The following CNTN4 variants were observed in gnomAD, a reference collection of about 807,000 sequenced individuals.
CNTN4 encodes the protein contactin 4.
CNTN4 carries 77 observed loss-of-function variants against 122.5 expected under a neutral mutation model. That is an observed-to-expected ratio of 0.63 (90% confidence interval 0.52 to 0.76). CNTN4 has a LOEUF of 0.76. Ranked by LOEUF, CNTN4 falls within the 30% of genes least tolerant of loss-of-function variation. CNTN4 has a pLI of 0.00. For synonymous variants in CNTN4, 512 were observed against 447.0 expected (o/e 1.15, Z -1.83); for missense variants, 1,256 against 1,259.1 (o/e 1.00, Z 0.04).
At chr3:2,985,779 A>G (rs1393709754) in intron 13 of CNTN4, among the ~76,000 whole-genome samples, 1 of 152,216 alleles carries the variant, frequency 6.6e-6, no homozygotes, top group Admixed American at 6.5e-5. Context: ...TATTGATTTC[A>G]AATTGTCAGA....
intron 4 of CNTN4, among the ~76,000 whole-genome samples, chr3:2,584,518 A>G (rs1316166205): frequency 6.6e-6 from 1 of 151,976 alleles, no homozygotes. Context: ...AGCCTGACCA[A>G]CATGGCGAAA....
intron 2 of CNTN4, among the ~76,000 whole-genome samples, chr3:2,201,206 G>A (rs11709863): frequency 0.045 from 6,804 of 152,060 alleles, 263 homozygotes; most frequent in African/African-American, 0.11. Flanking sequence ...CCAGAAAGTT[G>A]GACCTTAAAA....
chr3:2,586,724 C>T (rs928343564), intron 4 of CNTN4, among the ~76,000 whole-genome samples: 7 of 152,220 alleles, frequency 4.6e-5, no homozygotes, highest in African/African-American at 1.4e-4. Flanking sequence ...ACTATGGAGA[C>T]AACCAGATTA....
chr3:3,003,684 C>CAAAAAAAAAAAAAAAAAAAAAAAAAAA, intron 14 of CNTN4, among the ~76,000 whole-genome samples: 1 of 76,968 alleles, frequency 1.3e-5, no homozygotes, highest in Non-Finnish European at 2.6e-5. Context: ...ATGGTTGCAC[C>CAAAAAAAAAAAAAAAAAAAAAAAAAAA]AAAAAAAAAA....
intron 7 of CNTN4, among the ~76,000 whole-genome samples, chr3:2,853,781 T>G (rs2093585769): frequency 6.8e-6 from 1 of 147,858 alleles, no homozygotes; most frequent in African/African-American, 2.5e-5. Flanking sequence ...TTGTTCAGTT[T>G]GAATTTTAAA....
intron 2 of CNTN4, among the ~76,000 whole-genome samples, chr3:2,191,095 G>C (rs948531423): frequency 4.0e-5 from 6 of 151,812 alleles, no homozygotes; most frequent in African/African-American, 1.5e-4. Flanking sequence ...TTTTGTTTTT[G>C]TTTTTATTTG....
At chr3:2,228,371 T>C (rs2039364399) in intron 2 of CNTN4, among the ~76,000 whole-genome samples, 1 of 152,134 alleles carries the variant, frequency 6.6e-6, no homozygotes, top group South Asian at 2.1e-4. Flanking sequence ...AATAAAACTT[T>C]ATTGGGACAC....
chr3:2,695,268 A>G (rs1477697095), intron 4 of CNTN4, among the ~76,000 whole-genome samples: 1 of 152,156 alleles, frequency 6.6e-6, no homozygotes. Context: ...ATTATTGGAA[A>G]GTTCTTCTTT....
intron 4 of CNTN4, among the ~76,000 whole-genome samples, chr3:2,734,431 C>T (rs1003243367): frequency 2.6e-5 from 4 of 152,158 alleles, no homozygotes; most frequent in Admixed American, 1.3e-4. Flanking sequence ...AGATGAAACA[C>T]TTCAGGCATG....
intron 4 of CNTN4, among the ~76,000 whole-genome samples, chr3:2,633,207 T>A (rs1480405338): frequency 6.6e-6 from 1 of 152,136 alleles, no homozygotes; most frequent in Non-Finnish European, 1.5e-5. Flanking sequence ...CCACGAAGGC[T>A]ACAACAGCTG....
intron 2 of CNTN4, among the ~76,000 whole-genome samples, chr3:2,114,859 G>A (rs1559254818): frequency 1.3e-5 from 2 of 152,208 alleles, no homozygotes; most frequent in Non-Finnish European, 2.9e-5. Context: ...TCTCTTGTGA[G>A]TGAGGTGCAT....
At position 2,433,501 on chromosome 3, in the gene CNTN4, A is replaced by T. The variant is rs183575556; in HGVS notation, c.-89+94268A>T. 8.3e-4 allele frequency among the ~76,000 whole-genome samples: 126 copies of T among 151,914 alleles called. 1 individual carries two copies. The highest frequency in any genetic ancestry group is 1.9e-3 in the Admixed American group (29 of 15,242). Reference sequence around the variant, plus strand: ...TTATTTGTGGGTTTTTTTGCTGTTGAGTTTCATATATATTTTGGATATTAG... The same window carrying T: ...TTATTTGTGGGTTTTTTTGCTGTTGTGTTTCATATATATTTTGGATATTAG... On this transcript the variant is annotated intron_variant, in intron 3 of 24. Coordinates refer to ENST00000418658, the MANE Select transcript of CNTN4 (RefSeq NM_175607.3).
chr3:2,738,010 C>G (rs2089239951), intron 5 of CNTN4, among the ~76,000 whole-genome samples: 1 of 152,038 alleles, frequency 6.6e-6, no homozygotes, highest in Admixed American at 6.6e-5. Flanking sequence ...AAGCAAAATA[C>G]TTTAAAAAGA....
At chr3:2,412,899 A>G (rs1286388332) in intron 3 of CNTN4, among the ~76,000 whole-genome samples, 1 of 152,238 alleles carries the variant, frequency 6.6e-6, no homozygotes, top group Non-Finnish European at 1.5e-5. Context: ...TAAAAAATAA[A>G]AAAGGATATT....
At chr3:2,911,448 T>G (rs961510457) in intron 12 of CNTN4, among the ~76,000 whole-genome samples, 5 of 152,190 alleles carry the variant, frequency 3.3e-5, no homozygotes, top group African/African-American at 1.2e-4. Context: ...CTGGACTGAT[T>G]GCTCTCAGAC....
intron 8 of CNTN4, among the ~76,000 whole-genome samples, chr3:2,870,811 T>A (rs2093775594): frequency 6.6e-6 from 1 of 152,184 alleles, no homozygotes; most frequent in African/African-American, 2.4e-5. Context: ...ATTCAGCTTG[T>A]TTCTTGGGCA....
chr3:2,289,602 G>T (rs1459996786), intron 2 of CNTN4, among the ~76,000 whole-genome samples: 2 of 152,158 alleles, frequency 1.3e-5, no homozygotes, highest in African/African-American at 4.8e-5. Context: ...GATTACATAA[G>T]ATGGTCTTCC....
At chr3:2,676,806 C>T (rs923010032) in intron 4 of CNTN4, among the ~76,000 whole-genome samples, 6 of 152,094 alleles carry the variant, frequency 3.9e-5, no homozygotes, top group Non-Finnish European at 8.8e-5. Flanking sequence ...TAAAAAGACA[C>T]AGTTTTTGAA....
intron 2 of CNTN4, among the ~76,000 whole-genome samples, chr3:2,234,352 G>A (rs988974707): frequency 2.6e-5 from 3 of 116,708 alleles, no homozygotes; most frequent in Admixed American, 9.8e-5. Context: ...CACTCCAGCC[G>A]GGGCAACAAG....
Sources: gnomAD v4.1 joint callset for allele counts (sites outside exome capture counted in the v4.1 genomes callset) on GRCh38, gnomAD v4.1.1 for gene constraint, MANE v1.5 for transcripts, NCBI Gene and HGNC (gene_info 2026-07-23, HGNC 2026-07-21) for gene names.